MMP28: variants seen among roughly 807,000 people sequenced by gnomAD.
MMP28 encodes matrix metalloproteinase-28.
A neutral mutation model predicts 60.5 loss-of-function variants in MMP28; 55 were observed. That is an observed-to-expected ratio of 0.91 (90% CI 0.73 to 1.14). MMP28 has a LOEUF of 1.14. Among genes scored for constraint, MMP28 ranks in the 50% most tolerant of loss-of-function variants. The pLI, the probability that MMP28 is intolerant of heterozygous loss-of-function variation, is 0.00. For synonymous variants in MMP28, 318 were observed against 312.5 expected (o/e 1.02, Z -0.18); for missense variants, 686 against 738.3 (o/e 0.93, Z 0.82).
intron 6 of MMP28, 115 bp from the exon 7 acceptor site, chr17:35,768,034 G>A (rs2143187238): frequency 7.4e-7 from 1 of 1,355,882 alleles, no homozygotes; most frequent in South Asian, 1.4e-5. Context: ...GGTATGGTGT[G>A]TACAGTTGGC....
intron 3 of MMP28, among the ~76,000 whole-genome samples, chr17:35,774,123 G>A (rs975980094): frequency 2.6e-5 from 4 of 152,186 alleles, no homozygotes; most frequent in Admixed American, 2.6e-4. Flanking sequence ...GCTTTGTTAA[G>A]GGTTTCTCTC....
intron 2 of MMP28, among the ~76,000 whole-genome samples, chr17:35,760,282 G>A (rs1449685018): frequency 6.6e-6 from 1 of 152,126 alleles, no homozygotes; most frequent in African/African-American, 2.4e-5. Flanking sequence ...GAAAGGAAAG[G>A]ATTTTCCTGA....
chr17:35,783,217 G>A (rs1229747574), intron 1 of MMP28, among the ~76,000 whole-genome samples: 2 of 152,188 alleles, frequency 1.3e-5, no homozygotes, highest in Non-Finnish European at 2.9e-5. Flanking sequence ...CTTATTCAGC[G>A]TTCTCAGAAG....
Position 35,766,760 on chromosome 17 carries a change from C to A in MMP28, c.1303G>T (p.Gly435Cys). 6.3e-7 allele frequency: 1 copy of A among 1,582,478 alleles called. No individual in the cohort carries two copies. Among genetic ancestry groups the A allele is most frequent in the East Asian group, 2.3e-5 (1 of 43,220 alleles). The change falls in exon 8 of 8, where the codon GGT becomes TGT. Residue 435 changes from glycine to cysteine, a missense_variant. Physicochemically the swap from Gly to Cys is radical, Grantham distance 159 (BLOSUM62 -3). Transcript: ENST00000605424. This position sits in a 1 kb window ranked among gnomAD's most constrained non-coding sequence, Gnocchi z 4.3. ...PPLRRLILFK[G>C]ARYYVLARGG... ...CGGGCCAGCACGTAGTAGCGGGCAC[C>A]CTTGAAGAGGATGAGGCGGCGCAGA...
chr17:35,786,616 C>G (rs1291663214), intron 1 of MMP28, among the ~76,000 whole-genome samples: 2 of 149,928 alleles, frequency 1.3e-5, no homozygotes, highest in African/African-American at 2.5e-5. Flanking sequence ...CGTCTGCAAT[C>G]CTAGCACTTT....
Position 35,770,055 on chromosome 17 carries a change from C to T in MMP28, c.850+12G>A, listed in dbSNP as rs1555604802. 4 of 1,545,266 alleles carry T rather than the reference C, an allele frequency of 2.6e-6. No homozygotes were observed. The highest frequency in any genetic ancestry group is 1.7e-6 in the Non-Finnish European group (2 of 1,145,868). On this transcript the variant is annotated intron_variant, in intron 5 of 7. Transcript: ENST00000605424. ...AGTGGGACCAAGAGCGGGGCATGTC[C>T]CGGGGCCTCACCATACAGGCTCTGC...
intron 2 of MMP28, among the ~76,000 whole-genome samples, chr17:35,760,059 A>G (rs2085789715): frequency 6.6e-6 from 1 of 152,154 alleles, no homozygotes; most frequent in Non-Finnish European, 1.5e-5. Flanking sequence ...CAGCCCATCA[A>G]CTTGCCTCCA....
chr17:35,762,201 G>A (rs1341436115), downstream of MMP28, among the ~76,000 whole-genome samples: 1 of 151,962 alleles, frequency 6.6e-6, no homozygotes, highest in African/African-American at 2.4e-5. Flanking sequence ...TGTTGGTCAG[G>A]CTGGTCTCGA....
At chr17:35,783,437 G>A (rs1028012250) in intron 1 of MMP28, among the ~76,000 whole-genome samples, 1 of 152,204 alleles carries the variant, frequency 6.6e-6, no homozygotes. Flanking sequence ...CCTGACCTCA[G>A]CTGGATGCCT....
At chr17:35,787,414 A>G (rs1256906888) in intron 1 of MMP28, among the ~76,000 whole-genome samples, 2 of 152,152 alleles carry the variant, frequency 1.3e-5, no homozygotes, top group African/African-American at 2.4e-5. Flanking sequence ...TATTTTGGGT[A>G]AAGGCTTCCC....
At chr17:35,758,420 G>A (rs2085764220) in intron 2 of MMP28, 1 of 152,182 alleles carries the variant, frequency 6.6e-6, no homozygotes, top group Non-Finnish European at 1.5e-5. Context: ...GGGTGGGCAT[G>A]GTGGCTCACA....
chr17:35,772,603 C>G (rs536326195), intron 4 of MMP28, among the ~76,000 whole-genome samples: 1 of 152,346 alleles, frequency 6.6e-6, no homozygotes, highest in East Asian at 1.9e-4. Context: ...AATGTGCAAA[C>G]AGCCTATATT....
chr17:35,770,708 T>A (rs1219154045), intron 4 of MMP28, among the ~76,000 whole-genome samples: 1 of 145,206 alleles, frequency 6.9e-6, no homozygotes, highest in Non-Finnish European at 1.5e-5. Flanking sequence ...TTGTTCTGAA[T>A]AATAAATGTG....
intron 5 of MMP28, among the ~76,000 whole-genome samples, chr17:35,768,686 T>G (rs984172705): frequency 3.3e-5 from 5 of 152,136 alleles, no homozygotes; most frequent in Non-Finnish European, 7.3e-5. Context: ...GGTGCACACG[T>G]GTAGTCCCAG....
chr17:35,779,339 A>C lies in MMP28; in HGVS notation c.112-16T>G. On this transcript the variant is annotated splice_polypyrimidine_tract_variant and intron_variant, in intron 1 of 7. Coordinates refer to ENST00000605424, the MANE Select transcript of MMP28 (RefSeq NM_024302.5). ...CTAGGAATGCCTGCGGGAGAGAGGA[A>C]TATCTGCTTTTTCCATAGCATCCTT... 1 of 1,604,430 alleles carries C rather than the reference A, an allele frequency of 6.2e-7. No homozygotes were observed.
At chr17:35,787,255 G>A (rs981420787) in intron 1 of MMP28, among the ~76,000 whole-genome samples, 4 of 152,152 alleles carry the variant, frequency 2.6e-5, no homozygotes, top group Admixed American at 6.5e-5. Flanking sequence ...AGAACAGGTC[G>A]TCTAACAGGC....
intron 3 of MMP28, among the ~76,000 whole-genome samples, chr17:35,776,421 C>T (rs1555607657): frequency 6.6e-6 from 1 of 152,068 alleles, no homozygotes; most frequent in Non-Finnish European, 1.5e-5. Flanking sequence ...GGTGATCCTC[C>T]CGCCTCAGCC....
Position 35,766,331 on chromosome 17 carries a change from A to G in MMP28, c.*169T>C. ...CCATGTGGTGGGGACAGACAAAGAC[A>G]ATGCTGCATTCTTCAAGGAACAAAG... On this transcript the variant is annotated 3_prime_UTR_variant, in exon 8 of 8. Coordinates refer to ENST00000605424, the MANE Select transcript of MMP28 (RefSeq NM_024302.5). This position sits in a 1 kb window ranked among gnomAD's most constrained non-coding sequence, Gnocchi z 4.3. 7.1e-7 allele frequency: 1 copy of G among 1,411,396 alleles called. No individual in the cohort carries two copies. The highest frequency in any genetic ancestry group is 2.5e-5 in the East Asian group (1 of 39,538). The allele number at this position is 1,411,396 out of a possible 1,614,324, so 87.4% of individuals were successfully genotyped here.
At position 35,779,248 on chromosome 17, in the gene MMP28, T is replaced by C; in HGVS notation, c.187A>G (p.Ile63Val). 6.2e-7 allele frequency: 1 copy of C among 1,611,902 alleles called. No homozygotes were observed. The highest frequency in any genetic ancestry group is 8.5e-7 in the Non-Finnish European group (1 of 1,179,140). The change falls in exon 2 of 8, where the codon ATC becomes GTC. Residue 63 changes from isoleucine to valine, a missense_variant. By Grantham distance (29) the Ile-to-Val change is conservative. Coordinates refer to ENST00000605424, the MANE Select transcript of MMP28 (RefSeq NM_024302.5). ...CTCCACATCCCTCCACCCTACCTGA[T>C]GGCATCGCTGAATCGAGTGGAGGTG... Reference protein sequence around the residue: ...APTSTRFSDAIRAFQWVSQLP... With the variant: ...APTSTRFSDAVRAFQWVSQLP...
Sources: allele counts gnomAD v4.1 joint callset (sites outside exome capture counted in the v4.1 genomes callset), GRCh38; gene constraint gnomAD v4.1.1; non-coding constraint Gnocchi (gnomAD v3.1); transcripts MANE v1.5; gene names NCBI Gene and HGNC (gene_info 2026-07-23, HGNC 2026-07-21).